Variants in FNIP1 observed in about 807,000 individuals in gnomAD.
The protein encoded by FNIP1 is folliculin-interacting protein 1.
Under a neutral mutation model 124.5 loss-of-function variants are expected in FNIP1, and 40 were observed. The observed-to-expected ratio is 0.32, with a 90% CI of 0.25 to 0.42. FNIP1 has a LOEUF of 0.42. FNIP1 is among the 10% of genes least tolerant of loss of function. The pLI, the probability that FNIP1 is intolerant of heterozygous loss-of-function variation, is 1.00. For synonymous variants in FNIP1, 472 were observed against 470.6 expected (o/e 1.00, Z -0.04); for missense variants, 1,176 against 1,403.7 (o/e 0.84, Z 2.59).
Position 131,706,566 on chromosome 5 carries a change from A to G in FNIP1, c.779-20T>C, listed in dbSNP as rs1207651571. On this transcript the variant is annotated intron_variant, in intron 8 of 17. Transcript: ENST00000510461. Reference sequence around the variant, plus strand: ...GAGATGCTGTTAAGTCAGAAGAACAACAAGTATAAGTCAATAATGACTAAG... The same window carrying G: ...GAGATGCTGTTAAGTCAGAAGAACAGCAAGTATAAGTCAATAATGACTAAG... The G allele has an allele frequency of 3.9e-6, 6 of 1,552,712 alleles. 1 individual carries two copies. The highest frequency in any genetic ancestry group is 1.7e-4 in the Middle Eastern group (1 of 5,778).
intron 9 of FNIP1, among the ~76,000 whole-genome samples, chr5:131,704,784 T>C (rs1022119537): frequency 6.6e-6 from 1 of 152,082 alleles, no homozygotes; most frequent in African/African-American, 2.4e-5. Flanking sequence ...AACTGAAATA[T>C]CAAAACATGT....
intron 1 of FNIP1, among the ~76,000 whole-genome samples, chr5:131,784,564 T>C (rs914722635): frequency 2.0e-5 from 3 of 152,152 alleles, no homozygotes; most frequent in Non-Finnish European, 2.9e-5. Context: ...CTCACACCTG[T>C]AATTTCAGCA....
chr5:131,706,279 G>T, intron 9 of FNIP1, 132 bp downstream of exon 9: 1 of 968,394 alleles, frequency 1.0e-6, no homozygotes, highest in Non-Finnish European at 1.4e-6. Flanking sequence ...TTTTAAAAAT[G>T]TAGTAAATTT....
intron 1 of FNIP1, among the ~76,000 whole-genome samples, chr5:131,751,683 T>C (rs1388410166): frequency 2.6e-5 from 4 of 152,140 alleles, no homozygotes; most frequent in African/African-American, 9.7e-5. Context: ...AATGGAGTAT[T>C]TGGCCATAAA....
chr5:131,685,405 C>G (rs1768238664), intron 11 of FNIP1, among the ~76,000 whole-genome samples: 1 of 151,150 alleles, frequency 6.6e-6, no homozygotes, highest in Non-Finnish European at 1.5e-5. Context: ...TTTTATATTA[C>G]TGGCATAATA....
At chr5:131,739,537 G>A (rs1034325157) in intron 2 of FNIP1, among the ~76,000 whole-genome samples, 31 of 152,256 alleles carry the variant, frequency 2.0e-4, no homozygotes, top group Non-Finnish European at 4.1e-4. Flanking sequence ...TGTTTGGCCA[G>A]GCGTGGTGGC....
intron 1 of FNIP1, among the ~76,000 whole-genome samples, chr5:131,760,486 T>G (rs887097450): frequency 6.6e-6 from 1 of 152,152 alleles, no homozygotes; most frequent in Non-Finnish European, 1.5e-5. Context: ...AGTTAATCTC[T>G]TCTCTTTCTC....
rs1487660004 is a variant in FNIP1, at chr5:131,671,525, C to T, written c.2919G>A (p.Glu973=). The T allele has an allele frequency of 6.2e-7, 1 of 1,610,116 alleles. No homozygotes were observed. The highest frequency in any genetic ancestry group is 8.5e-7 in the Non-Finnish European group (1 of 1,179,440). ...YGGEQEDWAE[E]DEIPFPGSKL... The stretch of plus-strand genomic sequence containing the variant: ...CTTACCCAGGAAAAGGTATCTCATC[C>T]TCTTCTGCCCAATCTTCTTGCTCTC... Residue 973 remains glutamate (E), a synonymous_variant, in exon 14 of 18, where the codon GAG becomes GAA. Transcript: ENST00000510461.
At chr5:131,783,900 C>T (rs1445603609) in intron 1 of FNIP1, among the ~76,000 whole-genome samples, 3 of 151,956 alleles carry the variant, frequency 2.0e-5, no homozygotes, top group Admixed American at 1.3e-4. Flanking sequence ...TTATCTCCCA[C>T]CCTTTCATTC....
At chr5:131,650,039 G>A (rs1299401913) in intron 16 of FNIP1, among the ~76,000 whole-genome samples, 3 of 152,118 alleles carry the variant, frequency 2.0e-5, no homozygotes, top group African/African-American at 7.2e-5. Flanking sequence ...AATAAGTTTT[G>A]AAATCAAGAA....
At chr5:131,702,414 A>AT (rs1768933711) in intron 10 of FNIP1, among the ~76,000 whole-genome samples, 1 of 152,134 alleles carries the variant, frequency 6.6e-6, no homozygotes, top group South Asian at 2.1e-4. Context: ...AAATGGGCAT[A>AT]TAATTTGAAA....
intron 15 of FNIP1, among the ~76,000 whole-genome samples, chr5:131,659,505 C>G (rs767108093): frequency 6.6e-6 from 1 of 152,186 alleles, no homozygotes; most frequent in Non-Finnish European, 1.5e-5. Context: ...ATTTCCCGCT[C>G]GGCCATGGTG....
intron 1 of FNIP1, among the ~76,000 whole-genome samples, chr5:131,792,767 G>T (rs1305701052): frequency 1.3e-5 from 2 of 152,076 alleles, no homozygotes; most frequent in African/African-American, 4.8e-5. Context: ...ATGTGTACAA[G>T]GTATGTATGA....
intron 2 of FNIP1, among the ~76,000 whole-genome samples, chr5:131,740,441 C>T (rs1770476014): frequency 6.6e-6 from 1 of 152,182 alleles, no homozygotes; most frequent in Non-Finnish European, 1.5e-5. Context: ...TGTGAATTTA[C>T]TGATGTACAA....
At chr5:131,753,734 A>G (rs1770956341) in intron 1 of FNIP1, among the ~76,000 whole-genome samples, 1 of 152,200 alleles carries the variant, frequency 6.6e-6, no homozygotes, top group South Asian at 2.1e-4. Context: ...TTATAGCTCA[A>G]TTTTTAAAAG....
chr5:131,676,472 G>A (rs2149516957), intron 13 of FNIP1, among the ~76,000 whole-genome samples: 1 of 152,082 alleles, frequency 6.6e-6, no homozygotes, highest in East Asian at 2.0e-4. Flanking sequence ...TTAAATATGT[G>A]TTGGGCCAGG....
At chr5:131,714,934 A>G (rs906598303) in intron 6 of FNIP1, among the ~76,000 whole-genome samples, 1 of 152,200 alleles carries the variant, frequency 6.6e-6, no homozygotes, top group African/African-American at 2.4e-5. Flanking sequence ...TGCTTGGTAT[A>G]TTACAGGTGC....
intron 13 of FNIP1, among the ~76,000 whole-genome samples, chr5:131,675,153 T>TAGACTC (rs1301206481): frequency 1.3e-5 from 2 of 152,212 alleles, no homozygotes; most frequent in Admixed American, 1.3e-4. Context: ...GCTCTGCACT[T>TAGACTC]TTAACACCTA....
chr5:131,731,710 T>C (rs939637035), intron 2 of FNIP1, among the ~76,000 whole-genome samples: 1 of 151,764 alleles, frequency 6.6e-6, no homozygotes, highest in African/African-American at 2.4e-5. Context: ...TTATCGAGGA[T>C]CCCAAGAGTC....
Sources: gnomAD v4.1 joint callset for allele counts (sites outside exome capture counted in the v4.1 genomes callset) on GRCh38, gnomAD v4.1.1 for gene constraint, MANE v1.5 for transcripts, NCBI Gene and HGNC (gene_info 2026-07-23, HGNC 2026-07-21) for gene names.